Variants in FAM24B observed in about 807,000 individuals in gnomAD.
The protein encoded by FAM24B is family with sequence similarity 24 member B.
In FAM24B, 3 loss-of-function variants were observed where a neutral mutation model predicts 2.3. The observed-to-expected ratio is 1.29, with a 90% CI of 0.59 to 3.32. FAM24B has a LOEUF of 3.32. Ranked by LOEUF, FAM24B falls within the 30% of genes most tolerant of loss-of-function variation. The probability of loss-of-function intolerance (pLI) is 0.03; values close to 1 mark genes in which losing one functional copy is unlikely to be tolerated. For missense variants in FAM24B, 98 were observed against 117.2 expected, an observed-to-expected ratio of 0.84 and a Z score of 0.76; for synonymous variants, 36 against 46.3, an observed-to-expected ratio of 0.78 and a Z score of 0.90.
At position 122,849,306 on chromosome 10, in the gene FAM24B, T is replaced by TTCTA. The variant is rs1566244351; in HGVS notation, c.222_225dup (p.Met76Ter). On this transcript the variant is annotated stop_gained and frameshift_variant, in exon 4 of 4. Transcript: ENST00000368898. LOFTEE classifies it low-confidence loss of function (END_TRUNC). ...GGCAGGGAATCAAAACTGGCACACATTCTATATCCTTCACAGCACTGCAGG... is the reference window on the plus strand; with the variant it reads ...GGCAGGGAATCAAAACTGGCACACATTCTATCTATATCCTTCACAGCACTGCAGG... 1 of 1,607,254 alleles carries TTCTA rather than the reference T, an allele frequency of 6.2e-7. No individual in the cohort carries two copies. Among genetic ancestry groups the TTCTA allele is most frequent in the Non-Finnish European group, 8.5e-7 (1 of 1,176,578 alleles).
intron 1 of FAM24B, among the ~76,000 whole-genome samples, chr10:122,871,364 A>C (rs1384861135): frequency 1.3e-5 from 2 of 152,226 alleles, no homozygotes; most frequent in Non-Finnish European, 2.9e-5. Flanking sequence ...ATACTACCCA[A>C]GGTAATTTAT....
chr10:122,869,834 G>A (rs1437895205), intron 1 of FAM24B, among the ~76,000 whole-genome samples: 4 of 151,908 alleles, frequency 2.6e-5, no homozygotes, highest in Non-Finnish European at 5.9e-5. Flanking sequence ...AGAAAGGAGG[G>A]AAGATCTAAA....
At chr10:122,870,608 C>T (rs1045760541) in intron 1 of FAM24B, among the ~76,000 whole-genome samples, 1 of 152,168 alleles carries the variant, frequency 6.6e-6, no homozygotes, top group Non-Finnish European at 1.5e-5. Flanking sequence ...GGGCTTCATC[C>T]CTGGGATGCA....
chr10:122,852,343 C>T (rs1045356459), intron 2 of FAM24B, among the ~76,000 whole-genome samples: 3 of 152,296 alleles, frequency 2.0e-5, no homozygotes, highest in Admixed American at 1.3e-4. Context: ...TAACTGATGT[C>T]TTCCTGGATG....
Position 122,849,236 on chromosome 10 carries a change from C to A in FAM24B, c.*11G>T. 1 of 1,528,736 alleles carries A rather than the reference C, an allele frequency of 6.5e-7. No individual in the cohort carries two copies. The highest frequency in any genetic ancestry group is 8.8e-7 in the Non-Finnish European group (1 of 1,133,888). The allele number at this position is 1,528,736 out of a possible 1,614,324, so 94.7% of individuals were successfully genotyped here. ...TTGCTCATGAAGATTTTTGTGCCCACCTTTCCTAACTCAGAGGCCCTCATT... is the reference window on the plus strand; with the variant it reads ...TTGCTCATGAAGATTTTTGTGCCCAACTTTCCTAACTCAGAGGCCCTCATT... On this transcript the variant is annotated 3_prime_UTR_variant, in exon 4 of 4. Coordinates refer to ENST00000368898, the MANE Select transcript of FAM24B (RefSeq NM_152644.3).
chr10:122,873,180 C>A (rs1847925578), intron 1 of FAM24B, among the ~76,000 whole-genome samples: 1 of 152,152 alleles, frequency 6.6e-6, no homozygotes, highest in Non-Finnish European at 1.5e-5. Flanking sequence ...AGGACTTGCA[C>A]AGCTAGAGAG....
intron 1 of FAM24B, among the ~76,000 whole-genome samples, chr10:122,873,724 G>T (rs1424405952): frequency 1.3e-5 from 2 of 152,136 alleles, no homozygotes; most frequent in African/African-American, 4.8e-5. Flanking sequence ...TTACATAATA[G>T]ATTTTAGATC....
In FAM24B at chr10:122,849,397, G is replaced by T. The variant is rs960209059; in HGVS notation, c.135C>A (p.Asn45Lys). The change falls in exon 4 of 4, where the codon AAC becomes AAA. Residue 45 changes from asparagine (N) to lysine (K), a missense_variant. Transcript: ENST00000368898. ...TCTTGGCCCACCACACCTTGTCTGG[G>T]TTGTGATTTTTTACAGCCACAGCTT... ...EPEAVAVKNH[N>K]PDKVWWAKNS... 1 of 1,612,078 alleles carries T rather than the reference G, an allele frequency of 6.2e-7. No individual in the cohort carries two copies. The highest frequency in any genetic ancestry group is 8.5e-7 in the Non-Finnish European group (1 of 1,179,340).
intron 1 of FAM24B, among the ~76,000 whole-genome samples, chr10:122,875,688 A>AT (rs968811556): frequency 2.6e-5 from 4 of 152,156 alleles, no homozygotes; most frequent in African/African-American, 7.2e-5. Flanking sequence ...CTCCTTTTAA[A>AT]TAAAATGTAG....
chr10:122,856,603 T>A (rs1847643211), intron 1 of FAM24B, among the ~76,000 whole-genome samples: 1 of 152,142 alleles, frequency 6.6e-6, no homozygotes, highest in Admixed American at 6.5e-5. Flanking sequence ...TCTGAATATC[T>A]TTCCCACTTC....
chr10:122,866,737 T>C (rs929441984), intron 1 of FAM24B, among the ~76,000 whole-genome samples: 8 of 152,134 alleles, frequency 5.3e-5, no homozygotes, highest in Non-Finnish European at 1.2e-4. Context: ...GTGTTCTGAG[T>C]ACTCCACTGA....
chr10:122,865,225 T>C (rs1181881557), intron 1 of FAM24B, among the ~76,000 whole-genome samples: 1 of 152,228 alleles, frequency 6.6e-6, no homozygotes, highest in Non-Finnish European at 1.5e-5. Context: ...TACATACTTG[T>C]TAAGTATGAT....
At chr10:122,869,214 A>C (rs1337766538) in intron 1 of FAM24B, among the ~76,000 whole-genome samples, 1 of 152,222 alleles carries the variant, frequency 6.6e-6, no homozygotes, top group African/African-American at 2.4e-5. Context: ...TAAAGGGATC[A>C]ATTCAACAAG....
intron 1 of FAM24B, among the ~76,000 whole-genome samples, chr10:122,874,761 C>T (rs768229640): frequency 5.3e-5 from 8 of 152,146 alleles, no homozygotes; most frequent in Admixed American, 1.3e-4. Flanking sequence ...CGGCCCTGGA[C>T]GGCTTTGAAT....
In FAM24B at chr10:122,874,336, T is replaced by C. The variant is rs185368294; in HGVS notation, c.-178+5149A>G. Reference sequence around the variant, plus strand: ...CATTAAGGATTTTATTTTGCCTTCATTTATTCCTTCTCTGATGCTCTTCCT... The same window carrying C: ...CATTAAGGATTTTATTTTGCCTTCACTTATTCCTTCTCTGATGCTCTTCCT... On this transcript the variant is annotated intron_variant, in intron 1 of 3. Coordinates refer to ENST00000368898, the MANE Select transcript of FAM24B (RefSeq NM_152644.3). Among the ~76,000 whole-genome samples the C allele has an allele frequency of 1.6e-3, 246 of 152,336 alleles. 1 individual carries two copies. Among genetic ancestry groups the C allele is most frequent in the Admixed American group, 4.4e-3 (67 of 15,306 alleles).
At position 122,872,756 on chromosome 10, in the gene FAM24B, A is replaced by G. The variant is rs530004808; in HGVS notation, c.-178+6729T>C. ...AACAATGAGAACACATGGACACAGG[A>G]AGGGGAACATCACACTCTGGGGACT... is the stretch of plus-strand genomic sequence containing the variant. On this transcript the variant is annotated intron_variant, in intron 1 of 3. Transcript: ENST00000368898. Among the ~76,000 whole-genome samples the G allele has an allele frequency of 1.2e-4, 19 of 152,148 alleles. 1 individual carries two copies. In the East Asian group the frequency reaches 3.7e-3, roughly 29 times the overall value.
chr10:122,853,859 C>T (rs1479990024), intron 2 of FAM24B, among the ~76,000 whole-genome samples: 2 of 152,182 alleles, frequency 1.3e-5, no homozygotes, highest in Non-Finnish European at 2.9e-5. Flanking sequence ...GCCCTGTGGA[C>T]CCTCCCCATG....
chr10:122,852,236 C>T (rs1847551071), intron 2 of FAM24B, among the ~76,000 whole-genome samples: 1 of 152,122 alleles, frequency 6.6e-6, no homozygotes, highest in South Asian at 2.1e-4. Context: ...GGCAAACAGC[C>T]ACCCCCAAAA....
At chr10:122,877,511 A>C (rs1276095698) in intron 1 of FAM24B, among the ~76,000 whole-genome samples, 2 of 152,216 alleles carry the variant, frequency 1.3e-5, no homozygotes, top group Non-Finnish European at 2.9e-5. Context: ...TCAAAAGGCC[A>C]GTCTACAATA....
Sources: gnomAD v4.1 joint callset for allele counts (sites outside exome capture counted in the v4.1 genomes callset) on GRCh38, gnomAD v4.1.1 for gene constraint, MANE v1.5 for transcripts, NCBI Gene and HGNC (gene_info 2026-07-23, HGNC 2026-07-21) for gene names.